Variants in PRDM1 observed in about 807,000 individuals in gnomAD.
PRDM1 encodes the protein PR domain zinc finger protein 1.
PRDM1 carries 13 observed loss-of-function variants against 62.8 expected under a neutral mutation model. The ratio of observed to expected loss-of-function variants is 0.21; its 90% confidence interval spans 0.13 to 0.33. The LOEUF (loss-of-function observed/expected upper bound fraction) is 0.33. Ranked by LOEUF, PRDM1 falls within the 10% of genes least tolerant of loss-of-function variation. The pLI is 1.00. For synonymous variants in PRDM1, 396 were observed against 417.6 expected, an observed-to-expected ratio of 0.95 and a Z score of 0.63; for missense variants, 895 against 1,058.8, an observed-to-expected ratio of 0.85 and a Z score of 2.15.
At chr6:106,040,436 C>CT (rs1260397967) in intron 1 of PRDM1, among the ~76,000 whole-genome samples, 1 of 152,162 alleles carries the variant, frequency 6.6e-6, no homozygotes, top group Non-Finnish European at 1.5e-5. Context: ...TATTTACCTT[C>CT]TAGTAAAAGG....
intron 2 of PRDM1, among the ~76,000 whole-genome samples, chr6:106,092,767 G>T (rs970382568): frequency 1.3e-5 from 2 of 152,162 alleles, no homozygotes; most frequent in East Asian, 3.8e-4. Context: ...TAGTCTTAGA[G>T]TTTCAGCTTT....
chr6:105,993,529 G>C (rs759065033), exon 1 of PRDM1, among the ~76,000 whole-genome samples: 23 of 152,338 alleles, frequency 1.5e-4, no homozygotes, highest in Non-Finnish European at 2.6e-4. Context: ...GGCCAGCAGG[G>C]AAGGTGCCAC....
At chr6:106,025,028 T>G (rs574552466) in intron 1 of PRDM1, among the ~76,000 whole-genome samples, 2 of 152,114 alleles carry the variant, frequency 1.3e-5, no homozygotes, top group South Asian at 4.2e-4. Context: ...AGAACTTCTT[T>G]GATCTCGTTA....
Position 106,089,926 on chromosome 6 carries a change from C to T in PRDM1, c.291+1477C>T, listed in dbSNP as rs535592074. Among the ~76,000 whole-genome samples, 4 of 152,322 alleles carry T rather than the reference C, an allele frequency of 2.6e-5. No individual in the cohort carries two copies. In the South Asian group the frequency reaches 8.3e-4, roughly 32 times the overall value. On this transcript the variant is annotated intron_variant, in intron 2 of 6. Transcript: ENST00000369096. ...CCTTTGGGACTGAAGTAAAAATCTC[C>T]ATTCTGTGGGTCATCTTTGCCTTTT...
chr6:106,077,912 G>A (rs183880878), intron 1 of PRDM1, among the ~76,000 whole-genome samples: 12 of 152,358 alleles, frequency 7.9e-5, no homozygotes, highest in Admixed American at 7.2e-4. Flanking sequence ...AGGAGGAGAA[G>A]GCTTTGGGAG....
At chr6:105,998,784 C>T (rs1203169878) in intron 1 of PRDM1, among the ~76,000 whole-genome samples, 1 of 151,698 alleles carries the variant, frequency 6.6e-6, no homozygotes, top group Non-Finnish European at 1.5e-5. Flanking sequence ...CTATTTTTAC[C>T]ATTTATAGTT....
intron 1 of PRDM1, among the ~76,000 whole-genome samples, chr6:106,062,926 C>A (rs933094591): frequency 2.0e-5 from 3 of 152,132 alleles, no homozygotes; most frequent in Admixed American, 1.3e-4. Flanking sequence ...CTCCCACCCC[C>A]CAAAAACGCC....
chr6:106,031,989 T>C (rs921602838), intron 1 of PRDM1, among the ~76,000 whole-genome samples: 4 of 152,312 alleles, frequency 2.6e-5, no homozygotes, highest in Admixed American at 6.5e-5. Flanking sequence ...TTATTTTTCC[T>C]GAGGCATTTT....
At chr6:106,016,417 G>C (rs1179003186) in intron 1 of PRDM1, among the ~76,000 whole-genome samples, 1 of 152,004 alleles carries the variant, frequency 6.6e-6, no homozygotes. Flanking sequence ...CTTGACTTGA[G>C]AGTAAGGGAC....
At position 106,073,602 on chromosome 6, in the gene PRDM1, AT is replaced by A. The variant is rs1289976367; in HGVS notation, c.-66-14595del. 2.6e-5 allele frequency among the ~76,000 whole-genome samples: 4 copies of A among 152,152 alleles called. No individual in the cohort carries two copies. The East Asian group carries it at 7.7e-4, about 29-fold the overall frequency. On this transcript the variant is annotated intron_variant, in intron 1 of 6. Transcript: ENST00000651185. Reference sequence around the variant, plus strand: ...TTGCCTAGGTAATGTGTGGCTAAGTATTTTATTATTTAAATGTTATTTGTGA... The same window carrying A: ...TTGCCTAGGTAATGTGTGGCTAAGTATTTATTATTTAAATGTTATTTGTGA...
chr6:106,041,754 A>G (rs908908662), intron 1 of PRDM1, among the ~76,000 whole-genome samples: 1 of 151,934 alleles, frequency 6.6e-6, no homozygotes, highest in Admixed American at 6.6e-5. Context: ...TCCACTTAGC[A>G]TCAATCATTA....
At chr6:106,028,570 G>C (rs1365187695) in intron 1 of PRDM1, among the ~76,000 whole-genome samples, 1 of 152,128 alleles carries the variant, frequency 6.6e-6, no homozygotes, top group Non-Finnish European at 1.5e-5. Context: ...ATATTATCAA[G>C]TTAAAAAGTA....
chr6:106,069,703 TC>T (rs1365799367), intron 1 of PRDM1, among the ~76,000 whole-genome samples: 22 of 152,208 alleles, frequency 1.4e-4, no homozygotes, highest in Non-Finnish European at 2.8e-4. Context: ...AGTCTGTTCT[TC>T]CAGCATTCCC....
intron 1 of PRDM1, chr6:106,087,980 CTTT>C (rs34001545): frequency 0.041 from 5,776 of 139,702 alleles, 1 homozygote; most frequent in Middle Eastern, 0.11. Flanking sequence ...TTGCCACATT[CTTT>C]TTTTTTTTTT....
At chr6:106,046,997 C>A (rs917437127), upstream of PRDM1, among the ~76,000 whole-genome samples, 6 of 152,132 alleles carry the variant, frequency 3.9e-5, no homozygotes, top group Non-Finnish European at 8.8e-5. Context: ...CACTTCTTTA[C>A]TGATATAGAA....
intron 1 of PRDM1, among the ~76,000 whole-genome samples, chr6:106,052,457 TTAAC>T (rs1390584674): frequency 6.6e-6 from 1 of 152,198 alleles, no homozygotes; most frequent in Non-Finnish European, 1.5e-5. Context: ...ATGTTTACAT[TTAAC>T]TAACAATGTA....
At chr6:106,027,308 C>A (rs985318178) in intron 1 of PRDM1, among the ~76,000 whole-genome samples, 1 of 152,216 alleles carries the variant, frequency 6.6e-6, no homozygotes, top group Non-Finnish European at 1.5e-5. Flanking sequence ...AGCCATCCTG[C>A]ACAATGTCCA....
In PRDM1 at chr6:106,074,847, G is replaced by A. The variant is rs1370310173; in HGVS notation, c.-66-13354G>A. 3.9e-5 allele frequency among the ~76,000 whole-genome samples: 6 copies of A among 152,170 alleles called. No individual in the cohort carries two copies. In the East Asian group the frequency reaches 7.7e-4, roughly 20 times the overall value. On this transcript the variant is annotated intron_variant, in intron 1 of 6. Transcript: ENST00000651185. Reference sequence around the variant, plus strand: ...AAATTAGCCAGGCATAGTGGCACGCGCCTGTGTTCCCAGCTACTCAAGAGG... The same window carrying A: ...AAATTAGCCAGGCATAGTGGCACGCACCTGTGTTCCCAGCTACTCAAGAGG...
upstream of PRDM1, among the ~76,000 whole-genome samples, chr6:106,081,661 A>G (rs1057391553): frequency 3.3e-5 from 5 of 152,158 alleles, no homozygotes; most frequent in Non-Finnish European, 7.4e-5. Context: ...TGTCTCTTCT[A>G]TCCTAACTTA....
Sources: allele counts gnomAD v4.1 joint callset (sites outside exome capture counted in the v4.1 genomes callset), GRCh38; gene constraint gnomAD v4.1.1; transcripts MANE v1.5; gene names NCBI Gene and HGNC (gene_info 2026-07-23, HGNC 2026-07-21).